Variants in DNAH2 observed in about 807,000 individuals in gnomAD.
The protein encoded by DNAH2 is dynein axonemal heavy chain 2, also known as axonemal beta dynein heavy chain 2.
DNAH2 carries 323 observed loss-of-function variants against 523.5 expected under a neutral mutation model. That is an observed-to-expected ratio of 0.62 (90% CI 0.56 to 0.68). The LOEUF is 0.68. Ranked by LOEUF, DNAH2 falls within the 30% of genes least tolerant of loss-of-function variation. DNAH2 has a pLI of 0.00. For missense variants in DNAH2, 4,907 were observed against 5,701.5 expected (o/e 0.86, Z 4.49); for synonymous variants, 2,093 against 2,177.4 (o/e 0.96, Z 1.08).
At chr17:7,818,249 G>A (rs533017799) in intron 68 of DNAH2, 63 bp from the exon 69 acceptor site, 1 of 1,603,364 alleles carries the variant, frequency 6.2e-7, no homozygotes, top group South Asian at 1.1e-5. Flanking sequence ...GATGCCGGTG[G>A]GGGATGGGTT....
chr17:7,776,544 A>G (rs1453534830), intron 31 of DNAH2, among the ~76,000 whole-genome samples: 1 of 152,168 alleles, frequency 6.6e-6, no homozygotes, highest in African/African-American at 2.4e-5. Context: ...CAGTGGAAAG[A>G]CAGAATCTTG....
rs1196076191 is a variant in DNAH2, at chr17:7,818,985, C to T, written c.10737C>T (p.Ser3579=). The part of the protein sequence containing the change: ...DVQLVNTLHT[S]KITATEVTEQ... ...AGCTGGTGAACACGCTGCATACCTC[C>T]AAGATCACAGCCACAGAGGTGACTG... The change falls in exon 71 of 86, where the codon TCC becomes TCT. Residue 3579 remains serine, a synonymous_variant. Coordinates refer to ENST00000572933, the MANE Select transcript of DNAH2 (RefSeq NM_020877.5). 1.2e-6 allele frequency: 2 copies of T among 1,611,658 alleles called. No homozygotes were observed. The highest frequency in any genetic ancestry group is 2.7e-5 in the African/African-American group (2 of 74,918).
Position 7,740,678 on chromosome 17 carries a change from C to T in DNAH2, c.1506+129C>T, listed in dbSNP as rs918398099. ...CAGCATTCGGGCGCCTCTTGTCTTTCTTCTGTTCCCTGGCTTCGGCGTCCC... is the reference window on the plus strand; with the variant it reads ...CAGCATTCGGGCGCCTCTTGTCTTTTTTCTGTTCCCTGGCTTCGGCGTCCC... On this transcript the variant is annotated intron_variant, in intron 10 of 85. Coordinates refer to ENST00000572933, the MANE Select transcript of DNAH2 (RefSeq NM_020877.5). 3 of 1,533,418 alleles carry T rather than the reference C, an allele frequency of 2.0e-6. No homozygotes were observed. The African/African-American group carries it at 4.1e-5, about 21-fold the overall frequency. 95.0% of individuals were successfully genotyped at this position (1,533,418 alleles called of 1,614,324 possible). A position where few individuals can be genotyped will look rare whatever the true frequency, so the allele number is the denominator to read the frequency against.
intron 47 of DNAH2, 61 bp from the exon 48 acceptor site, chr17:7,792,920 C>T (rs2076939707): frequency 6.2e-7 from 1 of 1,601,040 alleles, no homozygotes; most frequent in Non-Finnish European, 8.5e-7. Flanking sequence ...GCCTGACCCT[C>T]CTCTCTAAGC....
At chr17:7,823,294 CAA>C (rs34255363) in intron 73 of DNAH2, 146 bp from the exon 74 acceptor site, 1,469 of 538,666 alleles carry the variant, frequency 2.7e-3, no homozygotes, top group African/African-American at 5.6e-3. Flanking sequence ...GACTCCATCT[CAA>C]AAAAAAAAAA....
chr17:7,785,394 C>T (rs903657866), intron 39 of DNAH2, among the ~76,000 whole-genome samples: 18 of 152,118 alleles, frequency 1.2e-4, no homozygotes, highest in Admixed American at 7.2e-4. Flanking sequence ...TGAGCCACCG[C>T]GCCTGGCTGA....
intron 21 of DNAH2, 116 bp from the exon 22 acceptor site, chr17:7,766,202 C>A: frequency 1.8e-6 from 2 of 1,132,180 alleles, no homozygotes; most frequent in Non-Finnish European, 2.5e-6. Flanking sequence ...CTCTCCTTCC[C>A]TTCCCTCTCT....
At position 7,831,395 on chromosome 17, in the gene DNAH2, T is replaced by G. The variant is rs762226269; in HGVS notation, c.12465T>G (p.Leu4155=). ...AGGQTREEKV[L]ELAADVKQKI... is the part of the protein sequence containing the mutation. ...AAGAGCTCCTGCCTGCTCAGGTCCT[T>G]GAGTTGGCCGCTGATGTGAAGCAGA... is the stretch of plus-strand genomic sequence containing the variant. Residue 4155 remains leucine, a synonymous_variant, in exon 81 of 86, where the codon CTT becomes CTG. Transcript: ENST00000572933. The surrounding 1 kb of genome is among the most constrained non-coding windows in gnomAD (Gnocchi z 4.2). The G allele has an allele frequency of 6.2e-7, 1 of 1,614,074 alleles. No individual in the cohort carries two copies. The highest frequency in any genetic ancestry group is 8.5e-7 in the Non-Finnish European group (1 of 1,180,012).
rs2077789624 is a variant in DNAH2 at position 7,819,410 on chromosome 17, T to TAC, written c.11015+2_11015+3insAC. ...CTACCACACCTACGCTGTCTACAGG[T>TAC]CTGAGGGTGCCCCCAACATGCCCCA... On this transcript the variant is annotated splice_region_variant and intron_variant, in intron 72 of 85. Transcript: ENST00000572933. The TAC allele has an allele frequency of 6.2e-7, 1 of 1,614,174 alleles. No homozygotes were observed.
rs1376406555 is a variant in DNAH2 at position 7,818,110 on chromosome 17, C to T, written c.10387+14C>T. The T allele has an allele frequency of 6.2e-7, 1 of 1,609,294 alleles. No homozygotes were observed. The highest frequency in any genetic ancestry group is 1.3e-5 in the African/African-American group (1 of 74,902). ...TAGCCCGAATCGGTCAGGACAAGTC[C>T]CCAAGACCAGCCAAGTGGGATGCTA... is the stretch of plus-strand genomic sequence containing the variant. On this transcript the variant is annotated intron_variant, in intron 68 of 85. Coordinates refer to ENST00000572933, the MANE Select transcript of DNAH2 (RefSeq NM_020877.5).
intron 12 of DNAH2, among the ~76,000 whole-genome samples, chr17:7,746,988 A>C (rs1299415288): frequency 6.7e-6 from 1 of 149,700 alleles, no homozygotes; most frequent in Non-Finnish European, 1.5e-5. Context: ...ACTTTATCTC[A>C]AAATTAAAAA....
intron 12 of DNAH2, among the ~76,000 whole-genome samples, chr17:7,749,364 ATCTTGC>A (rs2075621371): frequency 6.8e-6 from 1 of 146,614 alleles, no homozygotes; most frequent in Admixed American, 6.8e-5. Flanking sequence ...AAAAAAGAAA[ATCTTGC>A]CAAGATGAGA....
At chr17:7,825,470 G>A (rs1567763460) in intron 77 of DNAH2, among the ~76,000 whole-genome samples, 1 of 152,166 alleles carries the variant, frequency 6.6e-6, no homozygotes, top group Non-Finnish European at 1.5e-5. Context: ...GCCACTTGGG[G>A]CAGCTGTCAC....
rs1370725016 is a variant in DNAH2, at chr17:7,830,398, ACT to A, written c.11955_11956del (p.Cys3986PhefsTer8). 6.2e-7 allele frequency: 1 copy of A among 1,613,986 alleles called. No homozygotes were observed. Among genetic ancestry groups the A allele is most frequent in the Non-Finnish European group, 8.5e-7 (1 of 1,180,030 alleles). ...PAKYKKLLFS[L>X]CFFHSVLLER... ...CCAAATATAAGAAGCTGCTGTTTTC[ACT>A]CTGTTTCTTCCACTCTGTGTTACTT... On this transcript the variant is annotated frameshift_variant, in exon 78 of 86. Coordinates refer to ENST00000572933, the MANE Select transcript of DNAH2 (RefSeq NM_020877.5). LOFTEE classifies it high-confidence loss of function.
In DNAH2 at chr17:7,831,676, C is replaced by T. The variant is rs756879585; in HGVS notation, c.12627C>T (p.Asp4209=). The T allele has an allele frequency of 6.2e-7, 1 of 1,614,142 alleles. No homozygotes were observed. The highest frequency in any genetic ancestry group is 8.5e-7 in the Non-Finnish European group (1 of 1,179,996). ...LMQTILFSLT[D]LEKGIQGLIV... is the part of the protein sequence containing the mutation. ...TCCTGCTCAGGTTCTCACTGACAGA[C>T]CTAGAGAAAGGCATCCAGGGTCTCA... The change falls in exon 82 of 86, where the codon GAC becomes GAT. Residue 4209 remains aspartate (D), a synonymous_variant. Coordinates refer to ENST00000572933, the MANE Select transcript of DNAH2 (RefSeq NM_020877.5). This position sits in a 1 kb window ranked among gnomAD's most constrained non-coding sequence, Gnocchi z 4.2.
chr17:7,827,726 A>G (rs1259858384), intron 77 of DNAH2, among the ~76,000 whole-genome samples: 1 of 149,478 alleles, frequency 6.7e-6, no homozygotes, highest in East Asian at 2.0e-4. Context: ...GATTACACGC[A>G]TCAGCCACTG....
At chr17:7,753,054 G>A (rs181139681) in intron 12 of DNAH2, among the ~76,000 whole-genome samples, 7 of 152,290 alleles carry the variant, frequency 4.6e-5, no homozygotes, top group Admixed American at 3.3e-4. Context: ...AGCGTCAGTT[G>A]CCATTTATCA....
Position 7,816,572 on chromosome 17 carries a change from T to C in DNAH2, c.9731T>C (p.Val3244Ala). 1 of 1,614,152 alleles carries C rather than the reference T, an allele frequency of 6.2e-7. No individual in the cohort carries two copies. Among genetic ancestry groups the C allele is most frequent in the Non-Finnish European group, 8.5e-7 (1 of 1,180,018 alleles). Residue 3244 changes from valine to alanine, a missense_variant and splice_region_variant, in exon 64 of 86, where the codon GTA (valine) becomes GCA (alanine). Val to Ala is a moderately conservative substitution (Grantham distance 64). This residue lies in a region of DNAH2 where 1,851 missense variants were observed against 2,139.4 expected (regional missense o/e 0.87). Transcript: ENST00000572933. ...GCGCTATACTCGAATCTCTCCCAGG[T>C]AGCTGAGAAACTGGAGATGCTAAAG... is the stretch of plus-strand genomic sequence containing the variant. ...LAEAQEKLRE[V>A]AEKLEMLKKQ...
In DNAH2 at chr17:7,831,537, A is replaced by G. The variant is rs1449891140; in HGVS notation, c.12607A>G (p.Ile4203Val). The G allele has an allele frequency of 6.2e-7, 1 of 1,614,154 alleles. No individual in the cohort carries two copies. Among genetic ancestry groups the G allele is most frequent in the Non-Finnish European group, 8.5e-7 (1 of 1,180,032 alleles). Reference protein sequence around the residue: ...IQRYNTLMQTILFSLTDLEKG... With the variant: ...IQRYNTLMQTVLFSLTDLEKG... ...GAGATACAACACACTGATGCAGACC[A>G]TCCTGTAAGACAGAGGGGGACTCTG... The change falls in exon 81 of 86, where the codon ATC (isoleucine) becomes GTC (valine). Residue 4203 changes from isoleucine to valine, a missense_variant. Ile to Val is a conservative substitution (Grantham distance 29). Transcript: ENST00000572933. This position sits in a 1 kb window ranked among gnomAD's most constrained non-coding sequence, Gnocchi z 4.2.
Sources: allele counts gnomAD v4.1 joint callset (sites outside exome capture counted in the v4.1 genomes callset), GRCh38; gene constraint gnomAD v4.1.1; regional missense constraint gnomAD v4.1.1; non-coding constraint Gnocchi (gnomAD v3.1); transcripts MANE v1.5; gene names NCBI Gene and HGNC (gene_info 2026-07-23, HGNC 2026-07-21).